VWA8: variants seen among roughly 807,000 people sequenced by gnomAD.
VWA8 encodes the protein von Willebrand factor A domain containing 8, also known as von Willebrand factor A domain-containing protein 8.
Under a neutral mutation model 241.5 loss-of-function variants are expected in VWA8, and 221 were observed. The ratio of observed to expected loss-of-function variants is 0.91; its 90% CI spans 0.82 to 1.02. The LOEUF (loss-of-function observed/expected upper bound fraction) is 1.02. Among genes scored for constraint, VWA8 ranks in the 50% least tolerant of loss-of-function variants. VWA8 has a pLI of 0.00. For synonymous variants in VWA8, 852 were observed against 827.1 expected, an observed-to-expected ratio of 1.03 and a Z score of -0.52; for missense variants, 2,322 against 2,328.7, an observed-to-expected ratio of 1.00 and a Z score of 0.06.
intron 16 of VWA8, among the ~76,000 whole-genome samples, 180 bp from the exon 17 acceptor site, chr13:41,811,520 G>A (rs1047748020): frequency 6.6e-6 from 1 of 152,060 alleles, no homozygotes; most frequent in African/African-American, 2.4e-5. Flanking sequence ...AAACATCCTT[G>A]AAGATAGTTT....
intron 39 of VWA8, among the ~76,000 whole-genome samples, chr13:41,610,487 A>G (rs759292118): frequency 3.3e-5 from 5 of 152,126 alleles, no homozygotes; most frequent in African/African-American, 7.2e-5. Context: ...TGTGTTATTT[A>G]CCTGCTGAAC....
chr13:41,666,285 A>C (rs1176652463), intron 37 of VWA8, among the ~76,000 whole-genome samples: 2 of 152,136 alleles, frequency 1.3e-5, no homozygotes, highest in Non-Finnish European at 2.9e-5. Context: ...GAGTATGGCC[A>C]ATTGGTTACT....
intron 40 of VWA8, among the ~76,000 whole-genome samples, chr13:41,601,149 T>C (rs1428678528): frequency 1.3e-5 from 2 of 152,124 alleles, no homozygotes; most frequent in Admixed American, 1.3e-4. Context: ...ACTCAGCTCA[T>C]GTACCCTTAC....
At chr13:41,703,507 T>C in intron 26 of VWA8, 96 bp from the exon 27 acceptor site, 1 of 1,001,870 alleles carries the variant, frequency 1.0e-6, no homozygotes, top group Non-Finnish European at 1.5e-6. Flanking sequence ...CAAATAAATT[T>C]GAAGAGTGCT....
intron 26 of VWA8, among the ~76,000 whole-genome samples, chr13:41,712,675 G>C (rs1180401853): frequency 6.6e-6 from 1 of 152,184 alleles, no homozygotes; most frequent in Non-Finnish European, 1.5e-5. Context: ...TTTGGAATCA[G>C]AGAGATCTGT....
intron 4 of VWA8, among the ~76,000 whole-genome samples, chr13:41,903,922 A>C (rs1159116124): frequency 1.3e-5 from 2 of 152,234 alleles, no homozygotes; most frequent in African/African-American, 4.8e-5. Flanking sequence ...CAATAAAGAA[A>C]GGACTAACAT....
intron 22 of VWA8, among the ~76,000 whole-genome samples, chr13:41,730,634 A>G (rs1364969167): frequency 1.3e-5 from 2 of 152,212 alleles, no homozygotes; most frequent in Non-Finnish European, 2.9e-5. Flanking sequence ...TGGTGACATC[A>G]TGAAAAGAAA....
At chr13:41,573,140 G>T (rs76496530) in intron 43 of VWA8, among the ~76,000 whole-genome samples, 12,467 of 148,986 alleles carry the variant, frequency 0.084, 1,121 homozygotes, top group African/African-American at 0.23. Flanking sequence ...AACAAGCCAG[G>T]CACGGTGGCT....
intron 9 of VWA8, among the ~76,000 whole-genome samples, chr13:41,871,855 G>T (rs1037042131): frequency 1.3e-5 from 2 of 152,182 alleles, no homozygotes; most frequent in African/African-American, 4.8e-5. Flanking sequence ...GGTATTTCTA[G>T]CTCTAGATCC....
chr13:41,940,923 A>C (rs1048447791), intron 2 of VWA8, among the ~76,000 whole-genome samples: 7 of 152,190 alleles, frequency 4.6e-5, no homozygotes, highest in Non-Finnish European at 2.9e-5. Flanking sequence ...AAGAAAAGAA[A>C]ATGCAAATTG....
intron 15 of VWA8, among the ~76,000 whole-genome samples, chr13:41,817,765 A>G (rs533586497): frequency 6.0e-4 from 91 of 152,328 alleles, no homozygotes; most frequent in African/African-American, 2.0e-3. Context: ...CCATGCTTAC[A>G]AGACCTACAA....
intron 2 of VWA8, among the ~76,000 whole-genome samples, chr13:41,916,250 T>C (rs191143653): frequency 3.7e-4 from 57 of 152,362 alleles, no homozygotes; most frequent in African/African-American, 1.3e-3. Context: ...ATTGGAAATG[T>C]AGTATCATTT....
intron 5 of VWA8, among the ~76,000 whole-genome samples, chr13:41,890,121 A>G (rs1874759528): frequency 6.6e-6 from 1 of 152,242 alleles, no homozygotes; most frequent in Non-Finnish European, 1.5e-5. Flanking sequence ...CATCATCTAG[A>G]AACTCCCACA....
rs1191179736 is a variant in VWA8, at chr13:41,701,539, A to T, written c.3226-9T>A. 1.9e-6 allele frequency: 3 copies of T among 1,539,824 alleles called. No homozygotes were observed. In the South Asian group the frequency reaches 3.8e-5, roughly 20 times the overall value. ...TTTATAAGTGCTGGACCCTATAATA[A>T]AGCAGTTATCTCAGTTAAGATATTT... On this transcript the variant is annotated splice_polypyrimidine_tract_variant and intron_variant, in intron 27 of 44. Transcript: ENST00000379310.
At chr13:41,659,383 G>A (rs527771041) in intron 37 of VWA8, among the ~76,000 whole-genome samples, 29 of 152,226 alleles carry the variant, frequency 1.9e-4, no homozygotes, top group African/African-American at 7.0e-4. Context: ...TTCATATAGT[G>A]TTTTTATAAT....
chr13:41,654,449 C>T (rs1167758041), intron 37 of VWA8, among the ~76,000 whole-genome samples: 1 of 152,148 alleles, frequency 6.6e-6, no homozygotes, highest in Non-Finnish European at 1.5e-5. Flanking sequence ...TTTCCAGGGA[C>T]AGGGTAGAGG....
chr13:41,743,253 T>C (rs2045581321), intron 21 of VWA8, among the ~76,000 whole-genome samples: 1 of 152,148 alleles, frequency 6.6e-6, no homozygotes, highest in African/African-American at 2.4e-5. Context: ...AAAGGAGAGA[T>C]CAGAGGCTGA....
intron 4 of VWA8, among the ~76,000 whole-genome samples, chr13:41,893,344 G>T (rs1874938052): frequency 6.6e-6 from 1 of 151,652 alleles, no homozygotes; most frequent in Non-Finnish European, 1.5e-5. Flanking sequence ...AGCCATATTA[G>T]ACTCAAGAGA....
At chr13:41,922,998 C>A (rs578065114) in intron 2 of VWA8, among the ~76,000 whole-genome samples, 1 of 152,118 alleles carries the variant, frequency 6.6e-6, no homozygotes, top group African/African-American at 2.4e-5. Context: ...ATGTTTACTG[C>A]GGCATTATTC....
Sources: allele counts gnomAD v4.1 joint callset (sites outside exome capture counted in the v4.1 genomes callset), GRCh38; gene constraint gnomAD v4.1.1; transcripts MANE v1.5; gene names NCBI Gene and HGNC (gene_info 2026-07-23, HGNC 2026-07-21).